The following IKZF2 variants were observed in gnomAD, a reference collection of about 807,000 sequenced individuals.
IKZF2 encodes the protein zinc finger protein Helios.
In IKZF2, 15 loss-of-function variants were observed where a neutral mutation model predicts 49.2. The ratio of observed to expected loss-of-function variants is 0.30; its 90% CI spans 0.20 to 0.47. IKZF2 has a LOEUF of 0.47. Among genes scored for constraint, IKZF2 ranks in the 20% least tolerant of loss-of-function variants. IKZF2 has a pLI of 1.00. For synonymous variants in IKZF2, 227 were observed against 221.4 expected, an observed-to-expected ratio of 1.03 and a Z score of -0.23; for missense variants, 567 against 664.6, an observed-to-expected ratio of 0.85 and a Z score of 1.61.
At chr2:213,044,496 G>A (rs1699967688) in intron 6 of IKZF2, among the ~76,000 whole-genome samples, 2 of 152,210 alleles carry the variant, frequency 1.3e-5, no homozygotes, top group Admixed American at 6.5e-5. Flanking sequence ...TAATGGGACA[G>A]TAGTGATCCA....
intron 8 of IKZF2, among the ~76,000 whole-genome samples, chr2:213,012,277 G>C (rs544487661): frequency 2.5e-4 from 38 of 151,794 alleles, no homozygotes; most frequent in African/African-American, 9.2e-4. Context: ...CTAAAAAGCT[G>C]TCCCTCTTTT....
intron 6 of IKZF2, among the ~76,000 whole-genome samples, chr2:213,046,192 C>G (rs144698531): frequency 6.6e-6 from 1 of 152,244 alleles, no homozygotes; most frequent in African/African-American, 2.4e-5. Flanking sequence ...TAGCCCAAAC[C>G]GTGCATCATG....
At chr2:213,078,132 A>G (rs1264950494) in intron 4 of IKZF2, among the ~76,000 whole-genome samples, 1 of 152,178 alleles carries the variant, frequency 6.6e-6, no homozygotes, top group Non-Finnish European at 1.5e-5. Context: ...TTTAAAAAAA[A>G]CAATTCATGA....
At chr2:213,134,689 G>A (rs1379383460) in intron 4 of IKZF2, among the ~76,000 whole-genome samples, 3 of 152,102 alleles carry the variant, frequency 2.0e-5, no homozygotes, top group African/African-American at 4.8e-5. Flanking sequence ...TCTTTCTCCC[G>A]AATCTAAATG....
intron 6 of IKZF2, among the ~76,000 whole-genome samples, chr2:213,024,967 AT>A (rs1697661812): frequency 6.6e-6 from 1 of 152,064 alleles, no homozygotes; most frequent in Non-Finnish European, 1.5e-5. Flanking sequence ...CACTACCTTT[AT>A]TTTTATAATA....
At chr2:213,113,735 T>A (rs1375276823) in intron 4 of IKZF2, among the ~76,000 whole-genome samples, 1 of 152,192 alleles carries the variant, frequency 6.6e-6, no homozygotes, top group Non-Finnish European at 1.5e-5. Flanking sequence ...ACATACGTTT[T>A]TTCTAATTGT....
intron 4 of IKZF2, among the ~76,000 whole-genome samples, chr2:213,083,047 T>C (rs1704122456): frequency 1.3e-5 from 2 of 152,206 alleles, no homozygotes. Flanking sequence ...GACAACAAAA[T>C]GACTTTTTAA....
rs1553604947 is a variant in IKZF2 at position 213,146,761 on chromosome 2, G to GGGGT, written c.139+946_139+947insACCC. Among the ~76,000 whole-genome samples, 5 of 135,344 alleles carry GGGGT rather than the reference G, an allele frequency of 3.7e-5. 1 individual carries two copies. The highest frequency in any genetic ancestry group is 2.3e-4 in the Admixed American group (3 of 13,200). 88.8% of individuals were successfully genotyped at this position (135,344 alleles called of 152,430 possible). ...ACTTTTCTTAGTTATTAAATCTTCG[G>GGGGT]GGGGGGGGAAGGAAAGAGAATGCCT... On this transcript the variant is annotated intron_variant, in intron 4 of 8. Transcript: ENST00000434687.
intron 4 of IKZF2, among the ~76,000 whole-genome samples, chr2:213,058,608 G>A (rs1440207100): frequency 6.6e-6 from 1 of 151,794 alleles, no homozygotes; most frequent in East Asian, 1.9e-4. Context: ...ACTATATTGA[G>A]TTTTACCCTA....
At chr2:213,121,956 G>A (rs1033160579) in intron 4 of IKZF2, among the ~76,000 whole-genome samples, 1 of 152,008 alleles carries the variant, frequency 6.6e-6, no homozygotes, top group South Asian at 2.1e-4. Flanking sequence ...GAGAAGTGCA[G>A]AAATAAATAA....
chr2:213,134,091 C>A (rs16849823), intron 4 of IKZF2, among the ~76,000 whole-genome samples: 3,336 of 152,264 alleles, frequency 0.022, 131 homozygotes, highest in African/African-American at 0.076. Context: ...TAAAAGCCAA[C>A]CTGAGCCTTC....
chr2:213,039,187 A>T (rs1044785544), intron 6 of IKZF2, among the ~76,000 whole-genome samples: 1 of 152,074 alleles, frequency 6.6e-6, no homozygotes, highest in African/African-American at 2.4e-5. Flanking sequence ...GAATTTTCTC[A>T]TAATAGGTGA....
At chr2:213,036,621 T>C (rs1424198750) in intron 6 of IKZF2, among the ~76,000 whole-genome samples, 1 of 152,182 alleles carries the variant, frequency 6.6e-6, no homozygotes, top group Non-Finnish European at 1.5e-5. Flanking sequence ...GGACCTTTTA[T>C]TCTTATCCAG....
intron 4 of IKZF2, among the ~76,000 whole-genome samples, chr2:213,103,708 T>C (rs1165632591): frequency 6.6e-6 from 1 of 152,128 alleles, no homozygotes; most frequent in Non-Finnish European, 1.5e-5. Flanking sequence ...AGCAAAATAT[T>C]TGAAGATAGT....
intron 4 of IKZF2, among the ~76,000 whole-genome samples, chr2:213,100,310 C>T (rs542710446): frequency 8.5e-5 from 13 of 152,104 alleles, no homozygotes; most frequent in African/African-American, 3.1e-4. Flanking sequence ...GTAACAAATG[C>T]TTTCCAGCCT....
At chr2:213,093,608 T>G (rs1302030737) in intron 4 of IKZF2, among the ~76,000 whole-genome samples, 1 of 152,226 alleles carries the variant, frequency 6.6e-6, no homozygotes, top group Non-Finnish European at 1.5e-5. Context: ...TTTTAATGTC[T>G]TCTTTCAACT....
chr2:213,021,925 T>TCATG (rs1697267448), intron 7 of IKZF2, 68 bp downstream of exon 7: 1 of 1,513,136 alleles, frequency 6.6e-7, no homozygotes, highest in Non-Finnish European at 8.9e-7. Context: ...AGCATAAGAT[T>TCATG]TTATCTTCAT....
intron 4 of IKZF2, among the ~76,000 whole-genome samples, chr2:213,066,181 G>A (rs1212326274): frequency 6.6e-6 from 1 of 152,080 alleles, no homozygotes; most frequent in Admixed American, 6.6e-5. Flanking sequence ...AAATCCAGCT[G>A]AGTGGGTATG....
chr2:213,057,883 C>A (rs1296358848), intron 4 of IKZF2, among the ~76,000 whole-genome samples: 1 of 152,112 alleles, frequency 6.6e-6, no homozygotes. Context: ...AATTTAATGC[C>A]TTCTGTTTGC....
Sources: gnomAD v4.1 joint callset for allele counts (sites outside exome capture counted in the v4.1 genomes callset) on GRCh38, gnomAD v4.1.1 for gene constraint, MANE v1.5 for transcripts, NCBI Gene and HGNC (gene_info 2026-07-23, HGNC 2026-07-21) for gene names.